The following SCAF4 variants were observed in gnomAD, a reference collection of about 807,000 sequenced individuals.
SCAF4 encodes SR-related and CTD-associated factor 4.
Under a neutral mutation model 129.8 loss-of-function variants are expected in SCAF4, and 25 were observed. The observed-to-expected ratio is 0.19, with a 90% CI of 0.14 to 0.27. The LOEUF is 0.27. SCAF4 is among the 10% of genes least tolerant of loss of function. The pLI, the probability that SCAF4 is intolerant of heterozygous loss-of-function variation, is 1.00. For synonymous variants in SCAF4, 551 were observed against 497.7 expected, an observed-to-expected ratio of 1.11 and a Z score of -1.43; for missense variants, 1,246 against 1,457.1, an observed-to-expected ratio of 0.86 and a Z score of 2.36.
chr21:31,723,298 A>G (rs111922646), intron 1 of SCAF4, among the ~76,000 whole-genome samples: 151 of 152,186 alleles, frequency 9.9e-4, no homozygotes, highest in African/African-American at 3.5e-3. Context: ...CTTAAAATAC[A>G]AAAATTGGCC....
Position 31,723,640 on chromosome 21 carries a change from GCGCGCGCACATA to G in SCAF4, c.30+8011_30+8022del, listed in dbSNP as rs1294903483. On this transcript the variant is annotated intron_variant, in intron 1 of 19. Transcript: ENST00000286835. Reference sequence around the variant, plus strand: ...TGTGTGTGTGTGTGTGCGCGCGCGCGCGCGCGCACATACAGTTCAAGTTTTCTTTCTGGCCAT... The same window carrying G: ...TGTGTGTGTGTGTGTGCGCGCGCGCGCAGTTCAAGTTTTCTTTCTGGCCAT... Among the ~76,000 whole-genome samples, 4 of 151,466 alleles carry G rather than the reference GCGCGCGCACATA, an allele frequency of 2.6e-5. No individual in the cohort carries two copies. In the East Asian group the frequency reaches 7.8e-4, roughly 29 times the overall value.
Position 31,672,093 on chromosome 21 carries a change from C to A in SCAF4, c.2750G>T (p.Arg917Met), listed in dbSNP as rs2049720079. ...GPFPPHGPFV[R>M]PGGMPGLGGP... The stretch of plus-strand genomic sequence containing the variant: ...CCCGAGCCCTGGCATTCCACCAGGC[C>A]TAACAAAGGGGCCATGCGGTGGGAA... Residue 917 changes from arginine to methionine, a missense_variant, in exon 20 of 20, where the codon AGG (arginine) becomes ATG (methionine). Around this residue, in one of 6 missense-constraint regions of SCAF4, gnomAD observed 339 missense variants for 325.0 expected, o/e 1.04. Coordinates refer to ENST00000286835, the MANE Select transcript of SCAF4 (RefSeq NM_020706.2). The A allele has an allele frequency of 6.2e-7, 1 of 1,613,312 alleles. No individual in the cohort carries two copies. Among genetic ancestry groups the A allele is most frequent in the Non-Finnish European group, 8.5e-7 (1 of 1,179,370 alleles).
intron 15 of SCAF4, among the ~76,000 whole-genome samples, chr21:31,690,321 T>C (rs1012999244): frequency 2.0e-5 from 3 of 150,500 alleles, no homozygotes; most frequent in Admixed American, 6.6e-5. Context: ...CCCGTGTCTA[T>C]TGAAAATGCA....
chr21:31,713,982 C>T (rs984800394), intron 1 of SCAF4, among the ~76,000 whole-genome samples: 1 of 152,108 alleles, frequency 6.6e-6, no homozygotes, highest in African/African-American at 2.4e-5. Flanking sequence ...CCAACAAAAT[C>T]TACTAGTGAG....
chr21:31,682,239 C>G (rs148903998), intron 19 of SCAF4, among the ~76,000 whole-genome samples: 18 of 152,086 alleles, frequency 1.2e-4, no homozygotes, highest in African/African-American at 4.3e-4. Context: ...ATCAGCTGGG[C>G]GTGGTGGCAC....
intron 1 of SCAF4, among the ~76,000 whole-genome samples, chr21:31,715,672 A>G (rs1437056624): frequency 6.6e-6 from 1 of 152,182 alleles, no homozygotes; most frequent in Non-Finnish European, 1.5e-5. Context: ...TATTCCAATC[A>G]GCTTGTAAAT....
intron 7 of SCAF4, among the ~76,000 whole-genome samples, chr21:31,699,501 TG>T (rs140869887): frequency 0.024 from 3,588 of 147,710 alleles, 136 homozygotes; most frequent in African/African-American, 0.088. Context: ...CTGTATTATT[TG>T]TTTTTTTTTT....
At chr21:31,726,893 T>C (rs1321948155) in intron 1 of SCAF4, among the ~76,000 whole-genome samples, 1 of 152,178 alleles carries the variant, frequency 6.6e-6, no homozygotes, top group African/African-American at 2.4e-5. Flanking sequence ...GAGAATATTA[T>C]ATATTGTTTA....
intron 7 of SCAF4, among the ~76,000 whole-genome samples, chr21:31,697,011 G>A (rs936267074): frequency 6.6e-6 from 1 of 152,076 alleles, no homozygotes; most frequent in East Asian, 1.9e-4. Flanking sequence ...TTCTATTGGT[G>A]TATTTCACAA....
intron 1 of SCAF4, among the ~76,000 whole-genome samples, chr21:31,717,894 T>G (rs1446493606): frequency 9.3e-6 from 1 of 107,394 alleles, no homozygotes; most frequent in African/African-American, 4.0e-5. Context: ...TACACATATA[T>G]ACACATATAT....
intron 19 of SCAF4, among the ~76,000 whole-genome samples, chr21:31,676,985 T>C (rs1338284216): frequency 6.6e-6 from 1 of 152,184 alleles, no homozygotes; most frequent in Non-Finnish European, 1.5e-5. Context: ...TTGCTTGGCG[T>C]ATCTTCTCAA....
intron 7 of SCAF4, chr21:31,700,685 C>T (rs1398515616): frequency 5.7e-6 from 2 of 352,994 alleles, no homozygotes; most frequent in Non-Finnish European, 1.0e-5. Context: ...ACACAGTAAT[C>T]CCCAAGTATT....
intron 9 of SCAF4, 65 bp downstream of exon 9, chr21:31,696,048 G>T: frequency 1.7e-6 from 2 of 1,150,418 alleles, no homozygotes; most frequent in Non-Finnish European, 2.6e-6. Context: ...GTGCTCTGTG[G>T]AATGCAAACC....
intron 1 of SCAF4, among the ~76,000 whole-genome samples, chr21:31,718,593 AC>A (rs2050995966): frequency 6.6e-6 from 1 of 152,118 alleles, no homozygotes; most frequent in Non-Finnish European, 1.5e-5. Flanking sequence ...ACCTCATCCC[AC>A]CCCGAAAAGC....
rs139921923 is a variant in SCAF4, at chr21:31,721,769, C to T, written c.30+9894G>A. On this transcript the variant is annotated intron_variant, in intron 1 of 19. Coordinates refer to ENST00000286835, the MANE Select transcript of SCAF4 (RefSeq NM_020706.2). ...TGAGATGGAATCTCGCTCTGTTGCC[C>T]GGGCTGGAGTGCACAGGCACAATCT... Among the ~76,000 whole-genome samples, 1,396 of 149,370 alleles carry T rather than the reference C, an allele frequency of 9.3e-3. 32 individuals carry two copies. The highest frequency in any genetic ancestry group is 0.033 in the African/African-American group (1,322 of 40,530).
At chr21:31,699,015 A>C (rs926273784) in intron 7 of SCAF4, among the ~76,000 whole-genome samples, 5 of 152,184 alleles carry the variant, frequency 3.3e-5, no homozygotes, top group Non-Finnish European at 7.4e-5. Flanking sequence ...AGTTTGAAAA[A>C]GTATGAGGGG....
intron 1 of SCAF4, among the ~76,000 whole-genome samples, chr21:31,721,541 C>T (rs781718172): frequency 5.9e-5 from 9 of 152,076 alleles, no homozygotes; most frequent in Non-Finnish European, 1.0e-4. Context: ...GGGCATATTG[C>T]AGAGGGAGAC....
At chr21:31,717,842 T>C (rs201593934) in intron 1 of SCAF4, among the ~76,000 whole-genome samples, 8,138 of 114,330 alleles carry the variant, frequency 0.071, 341 homozygotes, top group South Asian at 0.12. Context: ...TATATATATA[T>C]ACACACACAC....
intron 3 of SCAF4, among the ~76,000 whole-genome samples, chr21:31,704,359 CAAG>C (rs2050603996): frequency 2.6e-5 from 4 of 151,810 alleles, no homozygotes; most frequent in African/African-American, 7.3e-5. Context: ...AAATTAAAAA[CAAG>C]AAGTAGTTTT....
Sources: gnomAD v4.1 joint callset for allele counts (sites outside exome capture counted in the v4.1 genomes callset) on GRCh38, gnomAD v4.1.1 for gene constraint, gnomAD v4.1.1 regional missense constraint, MANE v1.5 for transcripts, NCBI Gene and HGNC (gene_info 2026-07-23, HGNC 2026-07-21) for gene names.